PRPF19: variants seen among roughly 807,000 people sequenced by gnomAD.
PRPF19 encodes the protein pre-mRNA-processing factor 19.
A neutral mutation model predicts 64.2 loss-of-function variants in PRPF19; 2 were observed. The ratio of observed to expected loss-of-function variants is 0.03; its 90% CI spans 0.01 to 0.10. The LOEUF (loss-of-function observed/expected upper bound fraction) is 0.10, where lower values mean the gene tolerates loss of function less well. Among genes scored for constraint, PRPF19 ranks in the 10% least tolerant of loss-of-function variants. The probability of loss-of-function intolerance (pLI) is 1.00; values close to 1 mark genes in which losing one functional copy is unlikely to be tolerated. For synonymous variants in PRPF19, 226 were observed against 251.6 expected (o/e 0.90, Z 0.96); for missense variants, 314 against 650.0 (o/e 0.48, Z 5.62).
Position 60,902,046 on chromosome 11 carries a change from T to C in PRPF19, c.525+357A>G, listed in dbSNP as rs1245777688. ...CCCTCATAGAAAAAAAACAAGAAAA[T>C]ATATAAAAGTAGTTTACTATCTGCA... On this transcript the variant is annotated intron_variant, in intron 6 of 15. Transcript: ENST00000227524. This position sits in a 1 kb window ranked among gnomAD's most constrained non-coding sequence, Gnocchi z 5.0. 1.3e-5 allele frequency among the ~76,000 whole-genome samples: 2 copies of C among 151,848 alleles called. No individual in the cohort carries two copies. Among genetic ancestry groups the C allele is most frequent in the Non-Finnish European group, 2.9e-5 (2 of 67,968 alleles).
chr11:60,903,234 C>T (rs941653567), intron 3 of PRPF19, among the ~76,000 whole-genome samples: 1 of 152,182 alleles, frequency 6.6e-6, no homozygotes, highest in African/African-American at 2.4e-5. Flanking sequence ...CTGTGCCAGA[C>T]AGTCCTGCAG....
intron 15 of PRPF19, among the ~76,000 whole-genome samples, chr11:60,893,164 G>T (rs949139714): frequency 6.6e-6 from 1 of 152,168 alleles, no homozygotes; most frequent in African/African-American, 2.4e-5. Flanking sequence ...GGGGATACAG[G>T]TATAAACAAA....
chr11:60,893,759 A>T (rs1044174243), intron 15 of PRPF19, among the ~76,000 whole-genome samples: 6 of 152,178 alleles, frequency 3.9e-5, no homozygotes, highest in Admixed American at 3.9e-4. Context: ...ATTCAAGACC[A>T]GCCTGGCCAA....
intron 15 of PRPF19, 48 bp from the exon 16 acceptor site, chr11:60,891,311 A>C: frequency 7.3e-7 from 1 of 1,368,886 alleles, no homozygotes; most frequent in Non-Finnish European, 1.0e-6. Flanking sequence ...TTCCTCCTTT[A>C]GTCTGAACAC....
In PRPF19 at chr11:60,890,769, A is replaced by T. The variant is rs1565108341; in HGVS notation, c.*397T>A. ...TTTTAATGAAACTAGATCACTGCTT[A>T]CAAAACCCTGCACAAGCCCTCCTGC... is the stretch of plus-strand genomic sequence containing the variant. On this transcript the variant is annotated 3_prime_UTR_variant, in exon 16 of 16. Transcript: ENST00000227524. 1 of 460,082 alleles carries T rather than the reference A, an allele frequency of 2.2e-6. No individual in the cohort carries two copies. The highest frequency in any genetic ancestry group is 6.8e-5 in the East Asian group (1 of 14,626). 28.5% of individuals were successfully genotyped at this position (460,082 alleles called of 1,614,324 possible).
chr11:60,900,616 T>C lies in PRPF19; in HGVS notation c.794A>G (p.Lys265Arg), dbSNP rs2134863208. ...QILATLKGHTKKVTSVVFHPS... is the reference protein window; with the variant it reads ...QILATLKGHTRKVTSVVFHPS... Reference sequence around the variant, plus strand: ...GTGAAACACCACGCTGGTGACCTTCTTGGTATGGCCTTTGAGGGTAGCCAG... The same window carrying C: ...GTGAAACACCACGCTGGTGACCTTCCTGGTATGGCCTTTGAGGGTAGCCAG... Residue 265 changes from lysine (K) to arginine (R), a missense_variant, in exon 10 of 16, where the codon AAG becomes AGG. Lys to Arg is a conservative substitution (Grantham distance 26). Transcript: ENST00000227524. 2 of 1,556,956 alleles carry C rather than the reference T, an allele frequency of 1.3e-6. No individual in the cohort carries two copies. The highest frequency in any genetic ancestry group is 1.7e-6 in the Non-Finnish European group (2 of 1,149,074).
intron 15 of PRPF19, among the ~76,000 whole-genome samples, chr11:60,892,275 A>G (rs548325755): frequency 1.3e-5 from 2 of 152,324 alleles, no homozygotes; most frequent in South Asian, 4.1e-4. Flanking sequence ...TTAAATGTGT[A>G]CATGTGAAAT....
intron 9 of PRPF19, 77 bp downstream of exon 9, chr11:60,900,777 T>A: frequency 1.3e-6 from 2 of 1,594,372 alleles, no homozygotes; most frequent in Admixed American, 3.4e-5. Context: ...CCCATGCCCA[T>A]GAAGAGGACA....
In PRPF19 at chr11:60,902,713, T is replaced by C. The variant is rs755108961; in HGVS notation, c.388+27A>G. On this transcript the variant is annotated intron_variant, in intron 4 of 15. Transcript: ENST00000227524. This position sits in a 1 kb window ranked among gnomAD's most constrained non-coding sequence, Gnocchi z 5.0. ...ATTACAATGCAGAACCAGCCCAGGGTGGGGGATGGCAGGGGAGAGGCTGCA... is the reference window on the plus strand; with the variant it reads ...ATTACAATGCAGAACCAGCCCAGGGCGGGGGATGGCAGGGGAGAGGCTGCA... 1 of 1,613,586 alleles carries C rather than the reference T, an allele frequency of 6.2e-7. No individual in the cohort carries two copies. Among genetic ancestry groups the C allele is most frequent in the African/African-American group, 1.3e-5 (1 of 74,800 alleles).
intron 10 of PRPF19, among the ~76,000 whole-genome samples, chr11:60,900,074 C>G (rs1424182956): frequency 6.6e-6 from 1 of 152,202 alleles, no homozygotes. Flanking sequence ...CAAACCCAAA[C>G]TGTCTTAGGC....
intron 1 of PRPF19, chr11:60,905,343 G>C (rs963400659): frequency 2.0e-5 from 3 of 152,214 alleles, no homozygotes; most frequent in African/African-American, 7.2e-5. Context: ...AGATTGGAAG[G>C]AAACAATAAA....
rs573631266 is a variant in PRPF19 at position 60,895,645 on chromosome 11, G to A, written c.1417+2201C>T. ...TAACTTGACTAATATTTGGTGTTGA[G>A]GCCTAGCTTTTGGCCTATTTGGCTT... On this transcript the variant is annotated intron_variant, in intron 15 of 15. Transcript: ENST00000227524. 2.0e-5 allele frequency among the ~76,000 whole-genome samples: 3 copies of A among 152,226 alleles called. No homozygotes were observed. The South Asian group carries it at 6.2e-4, about 32-fold the overall frequency.
At chr11:60,906,222 C>A (rs1055793301) in intron 1 of PRPF19, 142 bp downstream of exon 1, 18 of 1,320,092 alleles carry the variant, frequency 1.4e-5, no homozygotes, top group Non-Finnish European at 1.8e-5. Context: ...GGGGGGGCTC[C>A]GGTGCTGACA....
At chr11:60,901,209 C>A (rs1855980778) in intron 8 of PRPF19, 86 bp downstream of exon 8, 2 of 1,414,778 alleles carry the variant, frequency 1.4e-6, no homozygotes, top group South Asian at 1.2e-5. Context: ...GACAGCTCTG[C>A]ACTCAGCACT....
chr11:60,905,791 G>C (rs1037687292), intron 1 of PRPF19, among the ~76,000 whole-genome samples: 14 of 152,240 alleles, frequency 9.2e-5, no homozygotes, highest in African/African-American at 3.4e-4. Flanking sequence ...AAACCAATAA[G>C]GGCTTATAAA....
chr11:60,904,503 C>T (rs1437997248), intron 1 of PRPF19, among the ~76,000 whole-genome samples: 1 of 152,176 alleles, frequency 6.6e-6, no homozygotes, highest in Non-Finnish European at 1.5e-5. Context: ...ATCGCAAGCC[C>T]CAGGTTGTTT....
rs1855849882 is a variant in PRPF19, at chr11:60,890,936, G to A, written c.*230C>T. 3.3e-6 allele frequency: 2 copies of A among 607,308 alleles called. No individual in the cohort carries two copies. The highest frequency in any genetic ancestry group is 6.0e-6 in the Non-Finnish European group (2 of 331,038). The allele number at this position is 607,308 out of a possible 1,614,324, so 37.6% of individuals were successfully genotyped here. ...GGCTCCGACCCTGGGCCTTAAGAGG[G>A]TGACAGTTCTTCCTTCCACATCCGT... is the stretch of plus-strand genomic sequence containing the variant. On this transcript the variant is annotated 3_prime_UTR_variant, in exon 16 of 16. Transcript: ENST00000227524.
Position 60,891,080 on chromosome 11 carries a change from C to CCCAAAAA in PRPF19, c.*85_*86insTTTTTGG. On this transcript the variant is annotated 3_prime_UTR_variant, in exon 16 of 16. Transcript: ENST00000227524. ...CCCACCCCACAGAGCCCCCTCCCCC[C>CCCAAAAA]ATAGATTCCCCCCACCCCCCCCCCC... is the stretch of plus-strand genomic sequence containing the variant. 2.7e-5 allele frequency: 5 copies of CCCAAAAA among 185,966 alleles called. No homozygotes were observed. The highest frequency in any genetic ancestry group is 3.6e-5 in the South Asian group (1 of 27,510). 11.5% of individuals were successfully genotyped at this position (185,966 alleles called of 1,614,324 possible). A position where few individuals can be genotyped will look rare whatever the true frequency, so the allele number is the denominator to read the frequency against.
rs1484129218 is a variant in PRPF19, at chr11:60,890,807, C to T, written c.*359G>A. On this transcript the variant is annotated 3_prime_UTR_variant, in exon 16 of 16. Coordinates refer to ENST00000227524, the MANE Select transcript of PRPF19 (RefSeq NM_014502.5). The stretch of plus-strand genomic sequence containing the variant: ...CAAGCCCTCCTGCCCATCCCCTTCA[C>T]AGTTCCCTTGGCTCAGCCTCTCCTG... 2.1e-6 allele frequency: 1 copy of T among 474,464 alleles called. No homozygotes were observed. The highest frequency in any genetic ancestry group is 4.2e-6 in the Non-Finnish European group (1 of 239,060). 29.4% of individuals were successfully genotyped at this position (474,464 alleles called of 1,614,324 possible). A position where few individuals can be genotyped will look rare whatever the true frequency, so the allele number is the denominator to read the frequency against.
Sources: gnomAD v4.1 joint callset for allele counts (sites outside exome capture counted in the v4.1 genomes callset) on GRCh38, gnomAD v4.1.1 for gene constraint, Gnocchi (gnomAD v3.1) non-coding constraint, MANE v1.5 for transcripts, NCBI Gene and HGNC (gene_info 2026-07-23, HGNC 2026-07-21) for gene names.